The following LARS2 variants were observed in gnomAD, a reference collection of about 807,000 sequenced individuals.
The protein encoded by LARS2 is leucine--tRNA ligase, mitochondrial.
LARS2 carries 81 observed loss-of-function variants against 116.6 expected under a neutral mutation model. The observed-to-expected ratio is 0.69, with a 90% CI of 0.58 to 0.84. The LOEUF is 0.84. Ranked by LOEUF, LARS2 falls within the 40% of genes least tolerant of loss-of-function variation. LARS2 has a pLI of 0.00. For missense variants in LARS2, 968 were observed against 1,114.5 expected (o/e 0.87, Z 1.87); for synonymous variants, 396 against 407.2 (o/e 0.97, Z 0.33).
At chr3:45,536,791 C>G (rs892073079) in intron 20 of LARS2, among the ~76,000 whole-genome samples, 3 of 152,196 alleles carry the variant, frequency 2.0e-5, no homozygotes, top group African/African-American at 7.2e-5. Context: ...CAGTTGCTTC[C>G]CAGAGAACCT....
intron 4 of LARS2, among the ~76,000 whole-genome samples, chr3:45,406,457 A>G (rs1304169977): frequency 1.3e-5 from 2 of 152,186 alleles, no homozygotes; most frequent in African/African-American, 2.4e-5. Flanking sequence ...ATGGTTCTCT[A>G]GGTTGGAAAA....
In LARS2 at chr3:45,541,844, C is replaced by G. The variant is rs765634048; in HGVS notation, c.2420C>G (p.Pro807Arg). The G allele has an allele frequency of 6.2e-7, 1 of 1,614,154 alleles. No homozygotes were observed. Among genetic ancestry groups the G allele is most frequent in the South Asian group, 1.1e-5 (1 of 91,074 alleles). The part of the protein sequence containing the change: ...SEIWAGLALV[P>R]RKLCAHYTWD... ...GGCATTGCAGGCCTGGCGCTGGTGC[C>G]GAGGAAGCTCTGTGCCCACTACACT... Residue 807 changes from proline (P) to arginine (R), a missense_variant, in exon 21 of 22, where the codon CCG (proline) becomes CGG (arginine). Pro to Arg is a moderately radical substitution (Grantham distance 103). Coordinates refer to ENST00000645846, the MANE Select transcript of LARS2 (RefSeq NM_015340.4).
intron 10 of LARS2, 139 bp downstream of exon 10, chr3:45,476,766 A>G (rs1699618433): frequency 2.6e-6 from 2 of 782,096 alleles, no homozygotes; most frequent in African/African-American, 3.5e-5. Context: ...TTATGTTTTT[A>G]TTTTGAAACA....
intron 6 of LARS2, among the ~76,000 whole-genome samples, chr3:45,422,881 G>T (rs1698537594): frequency 1.3e-5 from 2 of 152,076 alleles, no homozygotes; most frequent in Non-Finnish European, 1.5e-5. Context: ...AAATATATGG[G>T]GGAAACCTTT....
At chr3:45,532,671 A>G (rs1700633524) in intron 20 of LARS2, among the ~76,000 whole-genome samples, 1 of 152,102 alleles carries the variant, frequency 6.6e-6, no homozygotes, top group South Asian at 2.1e-4. Flanking sequence ...AGACAGAGTC[A>G]CACTGTGTCG....
intron 8 of LARS2, among the ~76,000 whole-genome samples, chr3:45,464,963 G>A (rs1281049384): frequency 6.6e-6 from 1 of 152,104 alleles, no homozygotes; most frequent in East Asian, 1.9e-4. Context: ...TGGTCAGACA[G>A]GGCTGAGGGT....
intron 6 of LARS2, among the ~76,000 whole-genome samples, chr3:45,428,148 C>T (rs1698627843): frequency 6.6e-6 from 1 of 151,510 alleles, no homozygotes; most frequent in South Asian, 2.1e-4. Flanking sequence ...GTACTTTTAC[C>T]ACTACATATG....
intron 20 of LARS2, among the ~76,000 whole-genome samples, chr3:45,532,180 T>G (rs539256372): frequency 5.3e-5 from 8 of 152,344 alleles, no homozygotes; most frequent in African/African-American, 1.9e-4. Context: ...TTTCCAGATA[T>G]AAATGCAACA....
chr3:45,547,039 G>A (rs746586051), intron 21 of LARS2, among the ~76,000 whole-genome samples: 2 of 152,174 alleles, frequency 1.3e-5, no homozygotes, highest in Non-Finnish European at 2.9e-5. Flanking sequence ...GAGGCTTTTT[G>A]ACATAATCTC....
At chr3:45,401,003 C>T (rs1319021665) in intron 4 of LARS2, among the ~76,000 whole-genome samples, 2 of 151,956 alleles carry the variant, frequency 1.3e-5, no homozygotes, top group Non-Finnish European at 2.9e-5. Flanking sequence ...TTAGTAGAGA[C>T]GGTTTCACTG....
At chr3:45,466,652 A>T (rs1235269398) in intron 8 of LARS2, among the ~76,000 whole-genome samples, 2 of 152,032 alleles carry the variant, frequency 1.3e-5, no homozygotes, top group Non-Finnish European at 2.9e-5. Flanking sequence ...TATATAATTG[A>T]GGTGCCAAGA....
chr3:45,525,245 C>T (rs182395205), intron 20 of LARS2, among the ~76,000 whole-genome samples: 4 of 152,244 alleles, frequency 2.6e-5, no homozygotes, highest in South Asian at 2.1e-4. Flanking sequence ...TGAGGAAAAG[C>T]GAATCTGTTT....
At chr3:45,466,052 A>G (rs1699419676) in intron 8 of LARS2, among the ~76,000 whole-genome samples, 1 of 152,234 alleles carries the variant, frequency 6.6e-6, no homozygotes, top group South Asian at 2.1e-4. Flanking sequence ...AATGACTGCA[A>G]AGGAAAAATG....
intron 18 of LARS2, among the ~76,000 whole-genome samples, chr3:45,518,793 C>G (rs1180381623): frequency 1.3e-5 from 2 of 152,142 alleles, no homozygotes; most frequent in African/African-American, 4.8e-5. Flanking sequence ...CATCTGCACT[C>G]TGATAATGAA....
At chr3:45,471,513 C>T (rs1165270269) in intron 8 of LARS2, among the ~76,000 whole-genome samples, 8 of 152,104 alleles carry the variant, frequency 5.3e-5, no homozygotes, top group East Asian at 1.9e-4. Flanking sequence ...CCAGCCTTGA[C>T]GATTACATCT....
At chr3:45,442,268 C>T (rs1698926171) in intron 6 of LARS2, among the ~76,000 whole-genome samples, 1 of 152,168 alleles carries the variant, frequency 6.6e-6, no homozygotes, top group African/African-American at 2.4e-5. Context: ...CAACAGGAAG[C>T]CCCACCCCAC....
At chr3:45,435,234 C>G (rs1306404362) in intron 6 of LARS2, among the ~76,000 whole-genome samples, 4 of 152,118 alleles carry the variant, frequency 2.6e-5, no homozygotes, top group African/African-American at 9.7e-5. Context: ...GTACCTCATT[C>G]CTGCTAGTTG....
chr3:45,470,047 C>A (rs1671852078), intron 8 of LARS2, among the ~76,000 whole-genome samples: 3 of 152,320 alleles, frequency 2.0e-5, no homozygotes, highest in Admixed American at 2.0e-4. Context: ...TCCACCCTTC[C>A]CTTAGTAGCT....
At chr3:45,523,620 G>A (rs984334262) in intron 19 of LARS2, among the ~76,000 whole-genome samples, 3 of 151,608 alleles carry the variant, frequency 2.0e-5, no homozygotes, top group African/African-American at 7.3e-5. Flanking sequence ...TTGACCTCCT[G>A]GTCTTAAGTG....
Sources: gnomAD v4.1 joint callset for allele counts (sites outside exome capture counted in the v4.1 genomes callset) on GRCh38, gnomAD v4.1.1 for gene constraint, MANE v1.5 for transcripts, NCBI Gene and HGNC (gene_info 2026-07-23, HGNC 2026-07-21) for gene names.